Variants in RAPGEF1 observed in about 807,000 individuals in gnomAD.
RAPGEF1 encodes the protein CRK SH3-binding GNRP.
A neutral mutation model predicts 143.3 loss-of-function variants in RAPGEF1; 33 were observed. The ratio of observed to expected loss-of-function variants is 0.23; its 90% CI spans 0.17 to 0.31. The LOEUF (loss-of-function observed/expected upper bound fraction) is 0.31, where lower values mean the gene tolerates loss of function less well. Ranked by LOEUF, RAPGEF1 falls within the 10% of genes least tolerant of loss-of-function variation. The pLI, the probability that RAPGEF1 is intolerant of heterozygous loss-of-function variation, is 1.00. For synonymous variants in RAPGEF1, 629 were observed against 676.5 expected (o/e 0.93, Z 1.09); for missense variants, 1,199 against 1,645.4 (o/e 0.73, Z 4.69).
chr9:131,736,772 AG>A (rs1413363868), intron 1 of RAPGEF1, among the ~76,000 whole-genome samples: 8 of 152,178 alleles, frequency 5.3e-5, no homozygotes, highest in Non-Finnish European at 8.8e-5. Context: ...TTTCAGGGAG[AG>A]GAGATTATGA....
At position 131,604,023 on chromosome 9, in the gene RAPGEF1, C is replaced by T. The variant is rs1441800848; in HGVS notation, c.2350G>A (p.Gly784Ser). 12 of 1,339,844 alleles carry T rather than the reference C, an allele frequency of 9.0e-6. No homozygotes were observed. The East Asian group carries it at 5.2e-4, about 58-fold the overall frequency. The allele number at this position is 1,339,844 out of a possible 1,614,324, so 83.0% of individuals were successfully genotyped here. A position where few individuals can be genotyped will look rare whatever the true frequency, so the allele number is the denominator to read the frequency against. The change falls in exon 14 of 27, where the codon GGT becomes AGT. Residue 784 changes from glycine (G) to serine (S), a missense_variant. By Grantham distance (56) the Gly-to-Ser change is moderately conservative. This residue lies in a region of RAPGEF1 where 293 missense variants were observed against 356.2 expected (regional missense o/e 0.82). Transcript: ENST00000683357. ...GAGGAATACAGATTGACATATTCAC[C>T]CTCACCAGCTTCCTCACTGGCGTTT... ...SENASEEAGE[G>S]EYVNLYSSGQ...
intron 5 of RAPGEF1, among the ~76,000 whole-genome samples, chr9:131,635,477 G>C (rs1291061938): frequency 6.6e-6 from 1 of 151,940 alleles, no homozygotes; most frequent in Non-Finnish European, 1.5e-5. Context: ...ACAACGGTGA[G>C]TCAGTGTAAG....
intron 1 of RAPGEF1, among the ~76,000 whole-genome samples, chr9:131,689,572 T>C (rs917788256): frequency 1.3e-5 from 2 of 151,946 alleles, no homozygotes; most frequent in Non-Finnish European, 2.9e-5. Context: ...GGAGTCTTGC[T>C]CTGTTGCCCA....
chr9:131,664,091 T>C (rs2130586811), intron 1 of RAPGEF1, among the ~76,000 whole-genome samples: 1 of 152,354 alleles, frequency 6.6e-6, no homozygotes, highest in South Asian at 2.1e-4. Flanking sequence ...TGCCCTTTCA[T>C]GTTCAAACTT....
intron 12 of RAPGEF1, among the ~76,000 whole-genome samples, chr9:131,614,961 A>G (rs910173814): frequency 6.6e-6 from 1 of 152,250 alleles, no homozygotes; most frequent in Non-Finnish European, 1.5e-5. Context: ...TGGTAAAGAA[A>G]TATTTCAACA....
chr9:131,665,950 A>G (rs772224504), intron 1 of RAPGEF1, among the ~76,000 whole-genome samples: 1 of 152,242 alleles, frequency 6.6e-6, no homozygotes, highest in African/African-American at 2.4e-5. Context: ...TGAGACCCCA[A>G]TGAGAGAATC....
chr9:131,586,006 T>C (rs143428757), intron 22 of RAPGEF1, among the ~76,000 whole-genome samples: 2,586 of 152,148 alleles, frequency 0.017, 73 homozygotes, highest in African/African-American at 0.058. Context: ...GGTGAAACCC[T>C]GTCTCTACTA....
chr9:131,602,007 A>T (rs1956347115), intron 15 of RAPGEF1, 54 bp downstream of exon 15: 1 of 1,389,964 alleles, frequency 7.2e-7, no homozygotes, highest in East Asian at 2.5e-5. Flanking sequence ...GGCAGGCCTC[A>T]TGAGTGGGCG....
In RAPGEF1 at chr9:131,638,686, C is replaced by T; in HGVS notation, c.600G>A (p.Glu200=). The change falls in exon 5 of 27, where the codon GAG becomes GAA. Residue 200 remains glutamate (E), a synonymous_variant. Coordinates refer to ENST00000683357, the MANE Select transcript of RAPGEF1 (RefSeq NM_001377935.1). ...TGACCCCCTTCACAGTCGTCACCAT[C>T]TCCTTGTCTTCTGAGTTCACGCCTT... ...MLEGVNSEDK[E]MVTTVKGVIK... 6.2e-7 allele frequency: 1 copy of T among 1,614,060 alleles called. No homozygotes were observed. Among genetic ancestry groups the T allele is most frequent in the Non-Finnish European group, 8.5e-7 (1 of 1,179,908 alleles).
intron 1 of RAPGEF1, among the ~76,000 whole-genome samples, chr9:131,660,382 T>C (rs1045266227): frequency 2.0e-5 from 3 of 152,092 alleles, no homozygotes; most frequent in Non-Finnish European, 4.4e-5. Flanking sequence ...TGTAAAAATA[T>C]ATAACGTAGA....
chr9:131,634,334 G>GT (rs1241924182), intron 5 of RAPGEF1, among the ~76,000 whole-genome samples: 1 of 152,124 alleles, frequency 6.6e-6, no homozygotes, highest in African/African-American at 2.4e-5. Context: ...CTGAAAATCA[G>GT]TTTTCAAAAG....
chr9:131,589,811 T>C (rs991951926), intron 19 of RAPGEF1, 75 bp downstream of exon 19: 19 of 1,396,290 alleles, frequency 1.4e-5, no homozygotes, highest in Non-Finnish European at 1.8e-5. Flanking sequence ...CCAGAGCCGA[T>C]GGGCAGGAGA....
intron 20 of RAPGEF1, 129 bp from the exon 21 acceptor site, chr9:131,588,155 G>A (rs1953511431): frequency 1.3e-6 from 1 of 794,208 alleles, no homozygotes; most frequent in Non-Finnish European, 2.0e-6. Flanking sequence ...AGGCTACAGG[G>A]CGGGGAAGCC....
intron 1 of RAPGEF1, among the ~76,000 whole-genome samples, chr9:131,691,315 T>C (rs1467916052): frequency 6.6e-6 from 1 of 152,174 alleles, no homozygotes; most frequent in Non-Finnish European, 1.5e-5. Context: ...GGTTTCTCAG[T>C]TGGGCCCCCA....
chr9:131,630,430 G>T, intron 5 of RAPGEF1, 106 bp from the exon 6 acceptor site: 2 of 1,087,774 alleles, frequency 1.8e-6, no homozygotes, highest in Non-Finnish European at 2.7e-6. Flanking sequence ...TCTCATTTCT[G>T]TGCCTACAGA....
chr9:131,632,295 A>ATTTTT lies in RAPGEF1; in HGVS notation c.652-1976_652-1972dup, dbSNP rs55684326. On this transcript the variant is annotated intron_variant, in intron 5 of 26. Transcript: ENST00000683357. ...AGGCACCTGCCACTGCACCCGGCTA[A>ATTTTT]TTTTTTTTTTTTTTTTTGTATTTTT... Among the ~76,000 whole-genome samples the ATTTTT allele has an allele frequency of 3.3e-4, 45 of 136,092 alleles. No homozygotes were observed. The East Asian group carries it at 5.3e-3, about 16-fold the overall frequency. The allele number at this position is 136,092 out of a possible 152,430, so 89.3% of individuals were successfully genotyped here.
intron 1 of RAPGEF1, chr9:131,737,627 G>C (rs1174895956): frequency 2.1e-6 from 3 of 1,432,896 alleles, no homozygotes; most frequent in African/African-American, 2.9e-5. Flanking sequence ...TTCATTCCCA[G>C]CGGTTTGGGC....
chr9:131,623,730 G>A (rs576429620), intron 10 of RAPGEF1, among the ~76,000 whole-genome samples: 8 of 152,320 alleles, frequency 5.3e-5, no homozygotes, highest in African/African-American at 1.4e-4. Flanking sequence ...CACAAGGCTC[G>A]TCTGGCACAA....
chr9:131,701,151 T>C (rs999940195), intron 1 of RAPGEF1, among the ~76,000 whole-genome samples: 1 of 152,134 alleles, frequency 6.6e-6, no homozygotes, highest in Admixed American at 6.5e-5. Flanking sequence ...ATGGCTATTA[T>C]CTAAAATAAT....
Sources: gnomAD v4.1 joint callset for allele counts (sites outside exome capture counted in the v4.1 genomes callset) on GRCh38, gnomAD v4.1.1 for gene constraint, gnomAD v4.1.1 regional missense constraint, MANE v1.5 for transcripts, NCBI Gene and HGNC (gene_info 2026-07-23, HGNC 2026-07-21) for gene names.